Variants in TAFA2 observed in about 807,000 individuals in gnomAD.
TAFA2 encodes TAFA chemokine like family member 2.
TAFA2 carries 7 observed loss-of-function variants against 18.8 expected under a neutral mutation model. That is an observed-to-expected ratio of 0.37 (90% CI 0.21 to 0.70). The LOEUF (loss-of-function observed/expected upper bound fraction) is 0.70. TAFA2 is among the 30% of genes least tolerant of loss of function. The pLI, the probability that TAFA2 is intolerant of heterozygous loss-of-function variation, is 0.53. For missense variants in TAFA2, 122 were observed against 158.1 expected (o/e 0.77, Z 1.23); for synonymous variants, 60 against 54.2 (o/e 1.11, Z -0.47).
chr12:61,824,735 A>G (rs1429835590), intron 2 of TAFA2, among the ~76,000 whole-genome samples: 1 of 152,178 alleles, frequency 6.6e-6, no homozygotes, highest in African/African-American at 2.4e-5. Context: ...TTCACTATAT[A>G]TTTGATGTAC....
rs113963465 is a variant in TAFA2 at position 62,093,185 on chromosome 12, C to T, written c.-2+98074G>A. 2.3e-3 allele frequency among the ~76,000 whole-genome samples: 349 copies of T among 151,962 alleles called. 1 individual carries two copies. The highest frequency in any genetic ancestry group is 4.7e-3 in the Admixed American group (71 of 15,232). On this transcript the variant is annotated intron_variant, in intron 1 of 4. Coordinates refer to ENST00000416284, the MANE Select transcript of TAFA2 (RefSeq NM_178539.5). ...ATCTCTGATTTGTTTGCTTTTGAGT[C>T]ATTGGTTAGGAGCACAAACTTGCAA... is the stretch of plus-strand genomic sequence containing the variant.
At position 62,105,326 on chromosome 12, in the gene TAFA2, A is replaced by G. The variant is rs557484308; in HGVS notation, c.-2+85933T>C. On this transcript the variant is annotated intron_variant, in intron 1 of 4. Coordinates refer to ENST00000416284, the MANE Select transcript of TAFA2 (RefSeq NM_178539.5). ...ATGATTATTGATAATGTATTTCACC[A>G]GGGGGAAAAAGCAAATTCTTAATAA... Among the ~76,000 whole-genome samples, 147 of 152,336 alleles carry G rather than the reference A, an allele frequency of 9.6e-4. 1 individual carries two copies. Among genetic ancestry groups the G allele is most frequent in the African/African-American group, 3.4e-3 (141 of 41,594 alleles).
intron 1 of TAFA2, among the ~76,000 whole-genome samples, chr12:62,235,674 C>T (rs1390486981): frequency 6.6e-6 from 1 of 152,142 alleles, no homozygotes; most frequent in Non-Finnish European, 1.5e-5. Context: ...ATGAGTTTCT[C>T]ATTTAATGGT....
intron 1 of TAFA2, among the ~76,000 whole-genome samples, chr12:61,938,860 TATGCAAAGGC>T (rs930431804): frequency 2.0e-5 from 3 of 151,766 alleles, no homozygotes; most frequent in Admixed American, 2.0e-4. Flanking sequence ...CAGCTTTTGG[TATGCAAAGGC>T]ATACAGAGTG....
chr12:62,127,786 A>T (rs1870525200), intron 1 of TAFA2, among the ~76,000 whole-genome samples: 1 of 151,950 alleles, frequency 6.6e-6, no homozygotes. Context: ...TCTTGTCTGG[A>T]TTTCTTGTCT....
intron 2 of TAFA2, among the ~76,000 whole-genome samples, chr12:61,785,171 C>A (rs1870676634): frequency 6.6e-6 from 1 of 151,522 alleles, no homozygotes; most frequent in Non-Finnish European, 1.5e-5. Context: ...TCTATAAGAT[C>A]AACTTTTTTT....
intron 1 of TAFA2, among the ~76,000 whole-genome samples, chr12:62,218,531 C>T (rs548252832): frequency 1.7e-4 from 26 of 152,208 alleles, no homozygotes; most frequent in Non-Finnish European, 3.2e-4. Context: ...TAACCCAACC[C>T]GTACTGTGTT....
chr12:62,053,166 T>C (rs1160268794), intron 1 of TAFA2, among the ~76,000 whole-genome samples: 1 of 152,194 alleles, frequency 6.6e-6, no homozygotes, highest in Non-Finnish European at 1.5e-5. Context: ...ATCAAAATTG[T>C]GAAAGTATAT....
chr12:61,809,903 A>G (rs760087057), intron 2 of TAFA2, among the ~76,000 whole-genome samples: 1 of 151,258 alleles, frequency 6.6e-6, no homozygotes, highest in East Asian at 1.9e-4. Flanking sequence ...CAATGTGCCA[A>G]CATTTCCAGG....
intron 1 of TAFA2, among the ~76,000 whole-genome samples, chr12:62,156,358 G>A (rs377724169): frequency 6.6e-6 from 1 of 152,120 alleles, no homozygotes; most frequent in Non-Finnish European, 1.5e-5. Context: ...GAATGTAAAC[G>A]AGTACAGCCA....
chr12:61,981,259 T>G (rs187542541), intron 1 of TAFA2, among the ~76,000 whole-genome samples: 86 of 152,170 alleles, frequency 5.7e-4, no homozygotes, highest in African/African-American at 1.9e-3. Context: ...TAGCTATATG[T>G]AGAAAGCTGA....
At chr12:61,880,588 G>A in intron 1 of TAFA2, 1 of 452,566 alleles carries the variant, frequency 2.2e-6, no homozygotes, top group East Asian at 5.8e-5. Flanking sequence ...ACGCAGGAGG[G>A]CTGAGCTCGG....
intron 1 of TAFA2, among the ~76,000 whole-genome samples, chr12:62,089,037 T>A (rs148061012): frequency 1.2e-4 from 19 of 152,116 alleles, no homozygotes; most frequent in Admixed American, 1.2e-3. Context: ...ATGAAAAAAA[T>A]CCTCTGAAGT....
At chr12:62,194,853 A>G (rs73131829), upstream of TAFA2, among the ~76,000 whole-genome samples, 11,952 of 152,294 alleles carry the variant, frequency 0.078, 600 homozygotes, top group Middle Eastern at 0.18. Context: ...TTCTCAACAC[A>G]TGTGAAAGTT....
At chr12:61,957,562 T>G (rs1012195956) in intron 1 of TAFA2, among the ~76,000 whole-genome samples, 4 of 152,090 alleles carry the variant, frequency 2.6e-5, no homozygotes, top group African/African-American at 9.7e-5. Context: ...GAATTCTCAC[T>G]AAACTGACTT....
intron 1 of TAFA2, among the ~76,000 whole-genome samples, chr12:62,207,552 G>T (rs1430470749): frequency 2.0e-5 from 3 of 152,014 alleles, no homozygotes; most frequent in Non-Finnish European, 4.4e-5. Context: ...GACCTCCAGA[G>T]GCCCACCCAT....
intron 1 of TAFA2, among the ~76,000 whole-genome samples, chr12:61,891,296 A>AAGCAGTAGAAGCAGC (rs1875623315): frequency 3.3e-5 from 5 of 152,174 alleles, no homozygotes; most frequent in Non-Finnish European, 7.4e-5. Flanking sequence ...GGAGAAGCAG[A>AAGCAGTAGAAGCAGC]AGCAGTAGAA....
intron 1 of TAFA2, among the ~76,000 whole-genome samples, chr12:62,124,488 A>G (rs2136884465): frequency 6.6e-6 from 1 of 152,286 alleles, no homozygotes; most frequent in South Asian, 2.1e-4. Context: ...CAGAAATGTA[A>G]CTTATACATC....
Position 61,918,291 on chromosome 12 carries a change from C to G in TAFA2, c.-1-50865G>C, listed in dbSNP as rs184439148. 2.0e-5 allele frequency among the ~76,000 whole-genome samples: 3 copies of G among 152,098 alleles called. No individual in the cohort carries two copies. The East Asian group carries it at 5.8e-4, about 29-fold the overall frequency. The stretch of plus-strand genomic sequence containing the variant: ...CTTTTTGTTCTCATTAACCATCCCC[C>G]CTTTTCCCCACCCGCACACCCCAAC... On this transcript the variant is annotated intron_variant, in intron 1 of 4. Coordinates refer to ENST00000416284, the MANE Select transcript of TAFA2 (RefSeq NM_178539.5).
Sources: allele counts gnomAD v4.1 joint callset (sites outside exome capture counted in the v4.1 genomes callset), GRCh38; gene constraint gnomAD v4.1.1; transcripts MANE v1.5; gene names NCBI Gene and HGNC (gene_info 2026-07-23, HGNC 2026-07-21).